The following TLN2 variants were observed in gnomAD, a reference collection of about 807,000 sequenced individuals.
The protein encoded by TLN2 is talin-2.
TLN2 carries 118 observed loss-of-function variants against 294.7 expected under a neutral mutation model. The ratio of observed to expected loss-of-function variants is 0.40; its 90% CI spans 0.34 to 0.47. The LOEUF is 0.47. TLN2 is among the 20% of genes least tolerant of loss of function. The probability of loss-of-function intolerance (pLI) is 0.84; values close to 1 mark genes in which losing one functional copy is unlikely to be tolerated. For synonymous variants in TLN2, 1,431 were observed against 1,304.5 expected, an observed-to-expected ratio of 1.10 and a Z score of -2.09; for missense variants, 3,083 against 3,282.2, an observed-to-expected ratio of 0.94 and a Z score of 1.48.
At chr15:62,839,104 GGT>G in intron 58 of TLN2, 123 bp downstream of exon 58, 1 of 1,342,656 alleles carries the variant, frequency 7.4e-7, no homozygotes, top group Non-Finnish European at 1.0e-6. Context: ...GAGATGGTGT[GGT>G]GTTTCCTTCA....
chr15:62,456,807 C>G (rs923157080), intron 1 of TLN2, among the ~76,000 whole-genome samples: 2 of 152,312 alleles, frequency 1.3e-5, no homozygotes, highest in African/African-American at 4.8e-5. Flanking sequence ...ACTCTTCCAT[C>G]CGTTGTCTCA....
At chr15:62,568,053 A>G (rs929755578) in intron 1 of TLN2, among the ~76,000 whole-genome samples, 1 of 152,152 alleles carries the variant, frequency 6.6e-6, no homozygotes, top group African/African-American at 2.4e-5. Flanking sequence ...CCACGACCAC[A>G]GATATTATTA....
At chr15:62,450,126 G>A (rs2036020459) in intron 1 of TLN2, among the ~76,000 whole-genome samples, 1 of 152,218 alleles carries the variant, frequency 6.6e-6, no homozygotes, top group South Asian at 2.1e-4. Flanking sequence ...GGCTCTCTCA[G>A]CTTCCAGGCC....
In TLN2 at chr15:62,805,048, C is replaced by T. The variant is rs149434439; in HGVS notation, c.6478-552C>T. ...TAAATAATTCACAGTGTCACCATGG[C>T]GCACTCGACGTGAACACCTCTGCAC... is the stretch of plus-strand genomic sequence containing the variant. On this transcript the variant is annotated intron_variant, in intron 50 of 58. Transcript: ENST00000636159. Among the ~76,000 whole-genome samples the T allele has an allele frequency of 2.2e-4, 34 of 152,254 alleles. 1 individual carries two copies. The highest frequency in any genetic ancestry group is 7.9e-4 in the African/African-American group (33 of 41,536).
intron 2 of TLN2, among the ~76,000 whole-genome samples, chr15:62,597,656 C>T (rs887850132): frequency 6.6e-6 from 1 of 152,146 alleles, no homozygotes; most frequent in Admixed American, 6.5e-5. Context: ...ACAGCTTGAG[C>T]ATTCCTTATC....
intron 1 of TLN2, among the ~76,000 whole-genome samples, chr15:62,438,235 G>A (rs1426825685): frequency 6.6e-6 from 1 of 152,214 alleles, no homozygotes; most frequent in Non-Finnish European, 1.5e-5. Flanking sequence ...CAGGGGCACT[G>A]GGGAGCAGCC....
intron 1 of TLN2, among the ~76,000 whole-genome samples, chr15:62,554,843 C>G (rs2042520305): frequency 6.6e-6 from 1 of 152,160 alleles, no homozygotes; most frequent in African/African-American, 2.4e-5. Context: ...GTCCCAAATT[C>G]AGCACTCTAG....
intron 52 of TLN2, among the ~76,000 whole-genome samples, chr15:62,816,343 T>C (rs565362787): frequency 5.3e-5 from 8 of 152,368 alleles, no homozygotes; most frequent in African/African-American, 1.9e-4. Context: ...CTATCACAGT[T>C]CAATATTTCT....
In TLN2 at chr15:62,467,395, C is replaced by T. The variant is rs539078369; in HGVS notation, c.-238+76710C>T. ...AATTTTACTCAGGTAATATGGAAGA[C>T]AAGAGATTATTTTAAGGCCGGCTGT... On this transcript the variant is annotated intron_variant, in intron 1 of 58. Transcript: ENST00000636159. 2.0e-3 allele frequency among the ~76,000 whole-genome samples: 308 copies of T among 152,228 alleles called. 3 individuals are homozygous for T. The highest frequency in any genetic ancestry group is 3.2e-3 in the Non-Finnish European group (220 of 68,020).
chr15:62,635,790 C>A (rs1325288263), intron 3 of TLN2, among the ~76,000 whole-genome samples: 1 of 152,126 alleles, frequency 6.6e-6, no homozygotes, highest in South Asian at 2.1e-4. Context: ...AATAATGCAA[C>A]AAGTGAAAGT....
intron 11 of TLN2, among the ~76,000 whole-genome samples, chr15:62,675,799 A>G (rs1395779144): frequency 6.6e-6 from 1 of 152,156 alleles, no homozygotes; most frequent in African/African-American, 2.4e-5. Context: ...TTTTCCTACT[A>G]GAGGAAAAGA....
chr15:62,398,665 C>G (rs1374109556), intron 1 of TLN2, among the ~76,000 whole-genome samples: 2 of 152,186 alleles, frequency 1.3e-5, no homozygotes, highest in African/African-American at 4.8e-5. Context: ...CAAGGTGACT[C>G]TTGCTATGCT....
At position 62,689,356 on chromosome 15, in the gene TLN2, T is replaced by C. The variant is rs374541947; in HGVS notation, c.1113+2560T>C. ...CAGTATACACATAAGATGGTTATTTTGTCTATAACCACATAAGATGGTGTT... is the reference window on the plus strand; with the variant it reads ...CAGTATACACATAAGATGGTTATTTCGTCTATAACCACATAAGATGGTGTT... On this transcript the variant is annotated intron_variant, in intron 12 of 58. Coordinates refer to ENST00000636159, the MANE Select transcript of TLN2 (RefSeq NM_015059.3). Among the ~76,000 whole-genome samples the C allele has an allele frequency of 5.3e-5, 8 of 152,360 alleles. No individual in the cohort carries two copies. In the East Asian group the frequency reaches 9.6e-4, roughly 18 times the overall value.
At chr15:62,399,701 A>G (rs1028732209) in intron 1 of TLN2, among the ~76,000 whole-genome samples, 15 of 152,218 alleles carry the variant, frequency 9.9e-5, no homozygotes, top group African/African-American at 3.4e-4. Context: ...TTGGACTTGC[A>G]TGGGGCCTGG....
At chr15:62,748,030 C>A (rs1322027839) in intron 32 of TLN2, among the ~76,000 whole-genome samples, 3 of 152,052 alleles carry the variant, frequency 2.0e-5, no homozygotes, top group East Asian at 3.9e-4. Context: ...GAGGTAGACA[C>A]ACTGGTGTAA....
At chr15:62,574,579 CAAAAAAAAAAAAAAAAAAAAAAAAAAA>C (rs56279063) in intron 1 of TLN2, among the ~76,000 whole-genome samples, 23 of 46,486 alleles carry the variant, frequency 4.9e-4, no homozygotes, top group African/African-American at 1.7e-3. Flanking sequence ...GACCCTGTCT[CAAAAAAAAAAAAAAAAAAAAAAAAAAA>C]AAAAAAAAAA....
At chr15:62,727,920 C>T (rs2060523560) in intron 28 of TLN2, among the ~76,000 whole-genome samples, 1 of 152,094 alleles carries the variant, frequency 6.6e-6, no homozygotes. Flanking sequence ...GGTTATGGAT[C>T]ATTGCTTTTG....
At chr15:62,690,481 C>T (rs2057766158) in intron 12 of TLN2, 1 of 30,828 alleles carries the variant, frequency 3.2e-5, no homozygotes. Context: ...GCGCTCCTCA[C>T]TTCTAGATGG....
At chr15:62,752,207 T>G in intron 34 of TLN2, 98 bp from the exon 35 acceptor site, 1 of 1,458,024 alleles carries the variant, frequency 6.9e-7, no homozygotes, top group South Asian at 1.4e-5. Context: ...TGTTCCAAAT[T>G]AAGTTGCCTT....
Sources: gnomAD v4.1 joint callset for allele counts (sites outside exome capture counted in the v4.1 genomes callset) on GRCh38, gnomAD v4.1.1 for gene constraint, MANE v1.5 for transcripts, NCBI Gene and HGNC (gene_info 2026-07-23, HGNC 2026-07-21) for gene names.